FSTL4: variants seen among roughly 807,000 people sequenced by gnomAD.
FSTL4 encodes follistatin-related protein 4.
FSTL4 carries 28 observed loss-of-function variants against 78.2 expected under a neutral mutation model. The observed-to-expected ratio is 0.36, with a 90% CI of 0.27 to 0.49. The LOEUF (loss-of-function observed/expected upper bound fraction) is 0.49. Ranked by LOEUF, FSTL4 falls within the 20% of genes least tolerant of loss-of-function variation. FSTL4 has a pLI of 0.98. For missense variants in FSTL4, 922 were observed against 1,084.9 expected (o/e 0.85, Z 2.11); for synonymous variants, 422 against 440.5 (o/e 0.96, Z 0.53).
the FSTL4 span, among the ~76,000 whole-genome samples, chr5:133,778,180 A>G: frequency 2.6e-5 from 4 of 152,198 alleles, no homozygotes; most frequent in South Asian, 8.3e-4. Context: ...TGCCCTGTGG[A>G]TCAAACCACA....
chr5:133,822,091 T>A, the FSTL4 span, among the ~76,000 whole-genome samples: 33 of 152,216 alleles, frequency 2.2e-4, no homozygotes, highest in African/African-American at 2.4e-5. Flanking sequence ...AAAGCTGATA[T>A]GACAAAATGC....
At position 133,589,964 on chromosome 5, in the gene FSTL4, T is replaced by A. The variant is rs115695579; in HGVS notation, c.126+13894A>T. Among the ~76,000 whole-genome samples the A allele has an allele frequency of 7.9e-3, 1,202 of 152,278 alleles. 18 individuals carry two copies. The highest frequency in any genetic ancestry group is 0.028 in the African/African-American group (1,147 of 41,542). On this transcript the variant is annotated intron_variant, in intron 2 of 15. Coordinates refer to ENST00000265342, the MANE Select transcript of FSTL4 (RefSeq NM_015082.2). ...TTAATAATACCTCATAGACTCTCTT[T>A]GAGAAGTCAATGAATTAATCTACTT...
At chr5:133,737,544 T>TATG in the FSTL4 span, among the ~76,000 whole-genome samples, 23 of 152,054 alleles carry the variant, frequency 1.5e-4, no homozygotes, top group Admixed American at 1.5e-3. Context: ...TCTTATCTAT[T>TATG]ATGAACAGTG....
At chr5:133,219,210 G>A (rs551326058) in intron 12 of FSTL4, among the ~76,000 whole-genome samples, 2 of 152,132 alleles carry the variant, frequency 1.3e-5, no homozygotes, top group East Asian at 3.9e-4. Context: ...CATGCTAATG[G>A]CACCCAGATC....
chr5:133,506,412 T>C (rs1758613580), intron 3 of FSTL4, among the ~76,000 whole-genome samples: 1 of 152,132 alleles, frequency 6.6e-6, no homozygotes, highest in South Asian at 2.1e-4. Context: ...TATCAACTTG[T>C]CACTCTGAAA....
intron 4 of FSTL4, among the ~76,000 whole-genome samples, chr5:133,368,686 G>C (rs1214018370): frequency 6.6e-6 from 1 of 152,210 alleles, no homozygotes; most frequent in Non-Finnish European, 1.5e-5. Context: ...ATCACACACA[G>C]ATTCCTGAGC....
chr5:133,724,474 C>G, the FSTL4 span, among the ~76,000 whole-genome samples: 1 of 19,706 alleles, frequency 5.1e-5, no homozygotes, highest in Non-Finnish European at 9.0e-5. Context: ...GGTGTTTATT[C>G]ATTGTTTTTT....
chr5:133,269,108 G>A (rs980020795), intron 6 of FSTL4, among the ~76,000 whole-genome samples: 1 of 151,266 alleles, frequency 6.6e-6, no homozygotes, highest in African/African-American at 2.4e-5. Context: ...CGTGAACCCG[G>A]GAGGCGGAGC....
At chr5:133,452,017 C>T (rs556866268) in intron 3 of FSTL4, among the ~76,000 whole-genome samples, 15 of 152,348 alleles carry the variant, frequency 9.8e-5, no homozygotes, top group Admixed American at 2.0e-4. Flanking sequence ...AGTATGGTCC[C>T]TCTTCCCCCA....
intron 2 of FSTL4, among the ~76,000 whole-genome samples, chr5:133,567,734 T>G (rs867319016): frequency 6.6e-6 from 1 of 152,242 alleles, no homozygotes; most frequent in Non-Finnish European, 1.5e-5. Context: ...GGTGAGATCC[T>G]ATGAACAATT....
the FSTL4 span, among the ~76,000 whole-genome samples, chr5:133,643,618 C>A: frequency 5.8e-4 from 89 of 152,288 alleles, no homozygotes; most frequent in African/African-American, 2.1e-3. Context: ...ACACAGGACT[C>A]AATCCACCAA....
chr5:133,431,240 C>T (rs1377566244), intron 3 of FSTL4, among the ~76,000 whole-genome samples: 3 of 152,200 alleles, frequency 2.0e-5, no homozygotes, highest in African/African-American at 7.2e-5. Context: ...GTGTTACCAC[C>T]TGTGGTAGAT....
intron 4 of FSTL4, among the ~76,000 whole-genome samples, chr5:133,357,045 G>C (rs1754957633): frequency 6.6e-6 from 1 of 152,244 alleles, no homozygotes; most frequent in Non-Finnish European, 1.5e-5. Flanking sequence ...AGTCCATTGG[G>C]CACAAGTGTG....
rs192578637 is a variant in FSTL4 at position 133,319,840 on chromosome 5, T to C, written c.410-3188A>G. The stretch of plus-strand genomic sequence containing the variant: ...CAGGAGCAACTGTGCTTTAATGAGT[T>C]GCAAGAGAGAACTTTGCCCAAACTT... On this transcript the variant is annotated intron_variant, in intron 4 of 15. Coordinates refer to ENST00000265342, the MANE Select transcript of FSTL4 (RefSeq NM_015082.2). Among the ~76,000 whole-genome samples the C allele has an allele frequency of 3.9e-5, 6 of 152,304 alleles. 1 individual carries two copies. In the East Asian group the frequency reaches 1.2e-3, roughly 29 times the overall value.
At chr5:133,769,736 G>A in the FSTL4 span, among the ~76,000 whole-genome samples, 1 of 152,124 alleles carries the variant, frequency 6.6e-6, no homozygotes, top group Non-Finnish European at 1.5e-5. Context: ...GGAGGTACAA[G>A]TACAGATTTT....
At chr5:133,508,612 A>C (rs140387532) in intron 3 of FSTL4, among the ~76,000 whole-genome samples, 1 of 152,340 alleles carries the variant, frequency 6.6e-6, no homozygotes, top group Non-Finnish European at 1.5e-5. Context: ...GCAGCACATG[A>C]CTAAGTAATC....
the FSTL4 span, among the ~76,000 whole-genome samples, chr5:133,740,620 A>T: frequency 6.6e-6 from 1 of 152,174 alleles, no homozygotes; most frequent in Non-Finnish European, 1.5e-5. Context: ...CGCAGCAGCC[A>T]GATCATTCAC....
the FSTL4 span, among the ~76,000 whole-genome samples, chr5:133,721,245 C>T: frequency 6.6e-6 from 1 of 152,148 alleles, no homozygotes; most frequent in Admixed American, 6.5e-5. Context: ...TTTAACAACT[C>T]ATCGTAGCTT....
In FSTL4 at chr5:133,603,954, G is replaced by A; in HGVS notation, c.30C>T (p.Leu10=). The part of the protein sequence containing the change: MKPGGFWLH[L]TLLGASLPAA... ...CCGGCAGGGAGGCTCCGAGCAGTGT[G>A]AGATGCAGCCAAAAGCCTCCTGGTT... Residue 10 remains leucine (L), a synonymous_variant, in exon 2 of 16, where the codon CTC becomes CTT. Coordinates refer to ENST00000265342, the MANE Select transcript of FSTL4 (RefSeq NM_015082.2). 1 of 1,613,212 alleles carries A rather than the reference G, an allele frequency of 6.2e-7. No homozygotes were observed. Among genetic ancestry groups the A allele is most frequent in the Non-Finnish European group, 8.5e-7 (1 of 1,179,134 alleles).
Sources: allele counts gnomAD v4.1 joint callset (sites outside exome capture counted in the v4.1 genomes callset), GRCh38; gene constraint gnomAD v4.1.1; transcripts MANE v1.5; gene names NCBI Gene and HGNC (gene_info 2026-07-23, HGNC 2026-07-21).